MBP: variants seen among roughly 807,000 people sequenced by gnomAD.
MBP encodes the protein myelin basic protein.
A neutral mutation model predicts 35.8 loss-of-function variants in MBP; 16 were observed. The observed-to-expected ratio is 0.45, with a 90% CI of 0.30 to 0.68. The LOEUF is 0.68. Among genes scored for constraint, MBP ranks in the 30% least tolerant of loss-of-function variants. MBP has a pLI of 0.08. For synonymous variants in MBP, 143 were observed against 159.6 expected (o/e 0.90, Z 0.78); for missense variants, 380 against 404.7 (o/e 0.94, Z 0.52).
At chr18:76,990,170 T>G in intron 4 of MBP, 110 bp from the exon 5 acceptor site, 1 of 675,048 alleles carries the variant, frequency 1.5e-6, no homozygotes, top group Non-Finnish European at 2.6e-6. Context: ...TTTTTTTTTT[T>G]TAACAGTCAG....
intron 4 of MBP, among the ~76,000 whole-genome samples, chr18:76,998,083 A>T (rs111977594): frequency 6.6e-6 from 1 of 152,228 alleles, no homozygotes; most frequent in Non-Finnish European, 1.5e-5. Flanking sequence ...CACACATCAC[A>T]TTCGCACTGT....
chr18:77,068,064 T>A (rs73489027), intron 2 of MBP, among the ~76,000 whole-genome samples: 1 of 151,774 alleles, frequency 6.6e-6, no homozygotes, highest in African/African-American at 2.4e-5. Flanking sequence ...TCCATTCCCA[T>A]CCCTGGGCAG....
At chr18:77,100,793 T>C (rs1975977488) in intron 2 of MBP, among the ~76,000 whole-genome samples, 1 of 152,076 alleles carries the variant, frequency 6.6e-6, no homozygotes, top group Non-Finnish European at 1.5e-5. Context: ...GCTCAAGCAA[T>C]CTGCCTGCTT....
At chr18:77,130,289 G>A (rs977868012) in intron 1 of MBP, among the ~76,000 whole-genome samples, 4 of 151,132 alleles carry the variant, frequency 2.6e-5, no homozygotes, top group Admixed American at 2.0e-4. Context: ...CACCACGGCG[G>A]TGCAGAGCAG....
chr18:77,106,410 A>T (rs1410994824), intron 1 of MBP, among the ~76,000 whole-genome samples: 2 of 152,122 alleles, frequency 1.3e-5, no homozygotes, highest in African/African-American at 4.8e-5. Context: ...ATCACCCCAC[A>T]GCCACTGGAA....
At chr18:77,071,319 C>T (rs1974438726) in intron 2 of MBP, among the ~76,000 whole-genome samples, 1 of 151,908 alleles carries the variant, frequency 6.6e-6, no homozygotes, top group Admixed American at 6.6e-5. Flanking sequence ...CTGTATTCAA[C>T]ACATGTAAGA....
intron 4 of MBP, chr18:77,006,172 C>T (rs1384978505): frequency 6.6e-6 from 1 of 152,354 alleles, no homozygotes; most frequent in Non-Finnish European, 1.5e-5. Context: ...CAGGTCTTTC[C>T]AGAAGCCTCC....
chr18:76,990,224 A>G (rs535101944), intron 4 of MBP, among the ~76,000 whole-genome samples, 164 bp from the exon 5 acceptor site: 2 of 151,794 alleles, frequency 1.3e-5, no homozygotes, highest in South Asian at 2.1e-4. Flanking sequence ...TATCTAGACT[A>G]TCACAATGGG....
At chr18:76,998,645 G>A (rs891450243) in intron 4 of MBP, among the ~76,000 whole-genome samples, 1 of 152,156 alleles carries the variant, frequency 6.6e-6, no homozygotes, top group Non-Finnish European at 1.5e-5. Flanking sequence ...ACGCGGCATC[G>A]GGACATTGCT....
intron 1 of MBP, chr18:77,114,924 C>T (rs1976607609): frequency 6.6e-6 from 1 of 152,478 alleles, no homozygotes; most frequent in African/African-American, 2.4e-5. Flanking sequence ...CGAGGGCCTT[C>T]CTATTCCTGC....
At chr18:77,032,195 CTTGTTTGTGG>C (rs1972566930) in intron 3 of MBP, among the ~76,000 whole-genome samples, 1 of 152,162 alleles carries the variant, frequency 6.6e-6, no homozygotes, top group Non-Finnish European at 1.5e-5. Context: ...GAGGACGCTC[CTTGTTTGTGG>C]AATACTTGTG....
chr18:77,039,030 A>C (rs1244074361), intron 3 of MBP, among the ~76,000 whole-genome samples: 1 of 152,252 alleles, frequency 6.6e-6, no homozygotes, highest in Non-Finnish European at 1.5e-5. Context: ...GTTAAAAAAG[A>C]AAAATAGTAT....
intron 3 of MBP, among the ~76,000 whole-genome samples, chr18:77,061,235 AT>A (rs1442868929): frequency 2.6e-5 from 4 of 152,192 alleles, no homozygotes; most frequent in Non-Finnish European, 5.9e-5. Flanking sequence ...TAATCTCCAC[AT>A]GTGCTATAAA....
Position 77,057,844 on chromosome 18 carries a change from T to TTTTTTTTTTTTG in MBP, c.139+8453_139+8454insCAAAAAAAAAAA, listed in dbSNP as rs71172399. 4.0e-4 allele frequency among the ~76,000 whole-genome samples: 4 copies of TTTTTTTTTTTTG among 10,110 alleles called. 1 individual carries two copies. Among genetic ancestry groups the TTTTTTTTTTTTG allele is most frequent in the Admixed American group, 8.9e-4 (1 of 1,122 alleles). The allele number at this position is 10,110 out of a possible 152,430, so 6.6% of individuals were successfully genotyped here. A position where few individuals can be genotyped will look rare whatever the true frequency, so the allele number is the denominator to read the frequency against. On this transcript the variant is annotated intron_variant, in intron 3 of 8. Coordinates refer to ENST00000355994, the MANE Select transcript of MBP (RefSeq NM_001025101.2). ...GGAGTGTTTTTTTTTTTTTTTTTTT[T>TTTTTTTTTTTTG]GAGACGGAGTCTCGCTCTGTTGCCC...
At position 76,979,234 on chromosome 18, in the gene MBP, G is replaced by A. The variant is rs1267717777; in HGVS notation, c.*1193C>T. The A allele has an allele frequency of 6.6e-6, 1 of 152,194 alleles. No individual in the cohort carries two copies. Among genetic ancestry groups the A allele is most frequent in the African/African-American group, 2.4e-5 (1 of 41,420 alleles). 9.4% of individuals were successfully genotyped at this position (152,194 alleles called of 1,614,324 possible). ...TCAAAAGGTGGGTCAGTAGGTTAGG[G>A]AGGGAGGCGCGAAAGGAGATGCCAG... is the stretch of plus-strand genomic sequence containing the variant. On this transcript the variant is annotated 3_prime_UTR_variant, in exon 9 of 9. Coordinates refer to ENST00000355994, the MANE Select transcript of MBP (RefSeq NM_001025101.2).
At chr18:77,132,068 C>T (rs866625014) in intron 1 of MBP, among the ~76,000 whole-genome samples, 52 of 152,150 alleles carry the variant, frequency 3.4e-4, no homozygotes, top group Admixed American at 2.4e-3. Flanking sequence ...GCCGGGAGGA[C>T]CCCCCAGCCC....
chr18:76,984,600 G>T, intron 8 of MBP, 175 bp downstream of exon 8: 1 of 773,432 alleles, frequency 1.3e-6, no homozygotes. Context: ...GGAAATCCAC[G>T]CGTAAATGCG....
Position 77,048,417 on chromosome 18 carries a change from C to T in MBP, c.139+17881G>A, listed in dbSNP as rs145410430. 2.1e-3 allele frequency among the ~76,000 whole-genome samples: 314 copies of T among 152,322 alleles called. 1 individual carries two copies. The highest frequency in any genetic ancestry group is 6.9e-3 in the African/African-American group (286 of 41,576). On this transcript the variant is annotated intron_variant, in intron 3 of 8. Transcript: ENST00000355994. ...CTCATAGACCACTGTGCGAGGCCTT[C>T]TATTGGCATCTGACTTTATGCGTCC... is the stretch of plus-strand genomic sequence containing the variant.
chr18:77,069,645 T>G (rs1974350241), intron 2 of MBP, among the ~76,000 whole-genome samples: 1 of 152,174 alleles, frequency 6.6e-6, no homozygotes, highest in Non-Finnish European at 1.5e-5. Context: ...TCACAGCACT[T>G]TGCTTTAAGT....
Sources: gnomAD v4.1 joint callset for allele counts (sites outside exome capture counted in the v4.1 genomes callset) on GRCh38, gnomAD v4.1.1 for gene constraint, MANE v1.5 for transcripts, NCBI Gene and HGNC (gene_info 2026-07-23, HGNC 2026-07-21) for gene names.